KCNK10: variants seen among roughly 807,000 people sequenced by gnomAD.
KCNK10 encodes the protein potassium channel subfamily K member 10.
In KCNK10, 25 loss-of-function variants were observed where a neutral mutation model predicts 47.7. The observed-to-expected ratio is 0.52, with a 90% CI of 0.38 to 0.73. KCNK10 has a LOEUF of 0.73. Among genes scored for constraint, KCNK10 ranks in the 30% least tolerant of loss-of-function variants. The pLI is 0.00. For missense variants in KCNK10, 563 were observed against 714.5 expected (o/e 0.79, Z 2.42); for synonymous variants, 303 against 285.6 (o/e 1.06, Z -0.61).
chr14:88,193,420 A>T (rs533034483), intron 4 of KCNK10, among the ~76,000 whole-genome samples: 1 of 152,292 alleles, frequency 6.6e-6, no homozygotes, highest in East Asian at 1.9e-4. Flanking sequence ...ATTGACTCTA[A>T]GCTGAAAAAC....
rs372462277 is a variant in KCNK10, at chr14:88,322,689, C to G, written c.52+58G>C. ...GCAAGAGTGCTTCCACTCAAGGAAG[C>G]GCGCACACGCCGGAGACAGAGGCAG... On this transcript the variant is annotated intron_variant, in intron 1 of 6. Coordinates refer to ENST00000319231, the MANE Select transcript of KCNK10 (RefSeq NM_138317.3). The surrounding 1 kb of genome is among the most constrained non-coding windows in gnomAD (Gnocchi z 4.8). 3 of 1,608,136 alleles carry G rather than the reference C, an allele frequency of 1.9e-6. No individual in the cohort carries two copies. The highest frequency in any genetic ancestry group is 2.2e-5 in the East Asian group (1 of 44,820).
intron 1 of KCNK10, among the ~76,000 whole-genome samples, chr14:88,298,432 C>T (rs1172868100): frequency 6.6e-6 from 1 of 152,188 alleles, no homozygotes; most frequent in Non-Finnish European, 1.5e-5. Flanking sequence ...ACTGGAACTG[C>T]GATCATTATC....
At chr14:88,270,311 G>A (rs1284116532) in intron 1 of KCNK10, among the ~76,000 whole-genome samples, 5 of 152,250 alleles carry the variant, frequency 3.3e-5, no homozygotes, top group Non-Finnish European at 5.9e-5. Context: ...ACCCACACCG[G>A]CCTCCAGTTG....
Position 88,322,825 on chromosome 14 carries a change from A to T in KCNK10, c.-27T>A. On this transcript the variant is annotated 5_prime_UTR_variant, in exon 1 of 7. Coordinates refer to ENST00000319231, the MANE Select transcript of KCNK10 (RefSeq NM_138317.3). This position sits in a 1 kb window ranked among gnomAD's most constrained non-coding sequence, Gnocchi z 4.8. ...GCTTCGTTGCCCAGAAGGGGAAGAA[A>T]TGAAAAGAACCCAAATAATAATAAA... 1 of 1,614,178 alleles carries T rather than the reference A, an allele frequency of 6.2e-7. No homozygotes were observed. Among genetic ancestry groups the T allele is most frequent in the Non-Finnish European group, 8.5e-7 (1 of 1,179,992 alleles).
At chr14:88,194,587 G>A (rs866569467) in intron 4 of KCNK10, among the ~76,000 whole-genome samples, 4 of 152,188 alleles carry the variant, frequency 2.6e-5, no homozygotes, top group Admixed American at 1.3e-4. Flanking sequence ...CTGCAAGTAC[G>A]TAGGAAGCTG....
intron 4 of KCNK10, among the ~76,000 whole-genome samples, chr14:88,215,482 A>C (rs1412745835): frequency 6.6e-6 from 1 of 152,138 alleles, no homozygotes. Context: ...CTCCCACAAC[A>C]CATGAGGATT....
chr14:88,252,013 C>T (rs556417653), intron 2 of KCNK10, among the ~76,000 whole-genome samples: 1 of 152,298 alleles, frequency 6.6e-6, no homozygotes, highest in South Asian at 2.1e-4. Flanking sequence ...TGTGTAATAA[C>T]ATGCATAAGG....
chr14:88,325,634 A>G (rs1244900346), upstream of KCNK10, among the ~76,000 whole-genome samples: 2 of 151,888 alleles, frequency 1.3e-5, no homozygotes, highest in African/African-American at 2.4e-5. Flanking sequence ...AACCTGTCCC[A>G]TGGGTTCGTT....
intron 1 of KCNK10, among the ~76,000 whole-genome samples, chr14:88,287,121 G>A (rs1261496805): frequency 6.6e-6 from 1 of 152,060 alleles, no homozygotes; most frequent in Admixed American, 6.5e-5. Context: ...GCCACTAACA[G>A]GCAGGGCCAG....
intron 1 of KCNK10, among the ~76,000 whole-genome samples, chr14:88,268,184 C>A (rs1409876456): frequency 6.6e-6 from 1 of 152,198 alleles, no homozygotes. Context: ...TTAGCAAGCC[C>A]ATCAAGGAGT....
chr14:88,197,568 C>T (rs184450243), intron 4 of KCNK10, among the ~76,000 whole-genome samples: 4 of 44,362 alleles, frequency 9.0e-5, no homozygotes, highest in Admixed American at 3.0e-4. Flanking sequence ...AGAGAGACTC[C>T]GACTAAAAAA....
chr14:88,221,638 G>A (rs1028710434), intron 4 of KCNK10, among the ~76,000 whole-genome samples: 1 of 152,088 alleles, frequency 6.6e-6, no homozygotes, highest in Non-Finnish European at 1.5e-5. Flanking sequence ...AAGACAGTGT[G>A]GCAATTTCTT....
intron 4 of KCNK10, among the ~76,000 whole-genome samples, chr14:88,207,853 G>C (rs56112606): frequency 0.23 from 33,049 of 142,738 alleles, 4,690 homozygotes; most frequent in Non-Finnish European, 0.31. Flanking sequence ...ATGTTATTTG[G>C]GGGGGGTGTT....
rs912203751 is a variant in KCNK10, at chr14:88,260,253, T to C, written c.402+2949A>G. Among the ~76,000 whole-genome samples the C allele has an allele frequency of 4.6e-5, 7 of 152,122 alleles. No homozygotes were observed. The highest frequency in any genetic ancestry group is 1.7e-4 in the African/African-American group (7 of 41,404). ...CCACCGCGCCAGGCCAAGATATGGT[T>C]GTTTAAAAGTGTGTAGCATCCCTCC... On this transcript the variant is annotated intron_variant, in intron 2 of 6. Transcript: ENST00000319231. The surrounding 1 kb of genome is among the most constrained non-coding windows in gnomAD (Gnocchi z 4.5).
chr14:88,181,531 T>G lies in KCNK10; in HGVS notation c.*4004A>C, dbSNP rs1319272319. 0.014 allele frequency: 3 copies of G among 214 alleles called. No homozygotes were observed. Among genetic ancestry groups the G allele is most frequent in the Non-Finnish European group, 0.062 (3 of 48 alleles). 0.0% of individuals were successfully genotyped at this position (214 alleles called of 1,614,324 possible). On this transcript the variant is annotated 3_prime_UTR_variant, in exon 7 of 7. Coordinates refer to ENST00000319231, the MANE Select transcript of KCNK10 (RefSeq NM_138317.3). ...ACTGCAAATAACAACAGCTTAAAAT[T>G]TCTTTAACTAGTCTTAACACCATGC... is the stretch of plus-strand genomic sequence containing the variant.
At chr14:88,187,933 CA>C in intron 6 of KCNK10, 33 bp downstream of exon 6, 1 of 1,612,168 alleles carries the variant, frequency 6.2e-7, no homozygotes, top group Non-Finnish European at 8.5e-7. Context: ...CATCTGTTCT[CA>C]GGAACATTCA....
At chr14:88,307,914 G>C (rs1888235058) in intron 1 of KCNK10, among the ~76,000 whole-genome samples, 1 of 152,148 alleles carries the variant, frequency 6.6e-6, no homozygotes. Flanking sequence ...TCGTGTGCAT[G>C]GTCTCATTTA....
intron 3 of KCNK10, chr14:88,235,107 G>A (rs1321734447): frequency 2.2e-6 from 1 of 456,590 alleles, no homozygotes; most frequent in East Asian, 7.0e-5. Context: ...AAACAGGGAG[G>A]TAGGACAGAA....
In KCNK10 at chr14:88,263,226, G is replaced by C. The variant is rs752584131; in HGVS notation, c.378C>G (p.Pro126=). 1 of 1,613,860 alleles carries C rather than the reference G, an allele frequency of 6.2e-7. No homozygotes were observed. Among genetic ancestry groups the C allele is most frequent in the Non-Finnish European group, 8.5e-7 (1 of 1,179,832 alleles). ...CCTGGATCAACGTCTCCAGCTCCTG[G>C]GGGCTCACACAGACATGATCCCGCA... ...EFLRDHVCVS[P]QELETLIQHA... is the part of the protein sequence containing the mutation. The change falls in exon 2 of 7, where the codon CCC becomes CCG. Residue 126 remains proline (P), a synonymous_variant. Transcript: ENST00000319231.
Sources: gnomAD v4.1 joint callset for allele counts (sites outside exome capture counted in the v4.1 genomes callset) on GRCh38, gnomAD v4.1.1 for gene constraint, Gnocchi (gnomAD v3.1) non-coding constraint, MANE v1.5 for transcripts, NCBI Gene and HGNC (gene_info 2026-07-23, HGNC 2026-07-21) for gene names.